The following CASD1 variants were observed in gnomAD, a reference collection of about 807,000 sequenced individuals.
CASD1 encodes CAS1 domain sialic acid O acetyltransferase 1.
CASD1 carries 41 observed loss-of-function variants against 100.0 expected under a neutral mutation model. That is an observed-to-expected ratio of 0.41 (90% CI 0.32 to 0.53). CASD1 has a LOEUF of 0.53. Ranked by LOEUF, CASD1 falls within the 20% of genes least tolerant of loss-of-function variation. The pLI is 0.25. For missense variants in CASD1, 774 were observed against 948.7 expected (o/e 0.82, Z 2.42); for synonymous variants, 321 against 315.6 (o/e 1.02, Z -0.18).
chr7:94,533,702 T>C lies in CASD1; in HGVS notation c.528T>C (p.Gly176=). The C allele has an allele frequency of 6.2e-7, 1 of 1,602,550 alleles. No homozygotes were observed. Among genetic ancestry groups the C allele is most frequent in the Non-Finnish European group, 8.5e-7 (1 of 1,174,888 alleles). Residue 176 remains glycine (G), a synonymous_variant, in exon 7 of 18, where the codon GGT becomes GGC. Coordinates refer to ENST00000297273, the MANE Select transcript of CASD1 (RefSeq NM_022900.5). The part of the protein sequence containing the change: ...AATWSIKIHN[G]SSEALSQYKM... ...AGTGGTCCATCAAGATTCACAATGG[T>C]AGCAGTGAAGCGCTTTCTCAATATA... is the stretch of plus-strand genomic sequence containing the variant.
At chr7:94,618,959 A>G in the CASD1 span, 2 of 1,607,232 alleles carry the variant, frequency 1.2e-6, no homozygotes. Flanking sequence ...CGGGAAGTCT[A>G]ATTTTGGTGA....
At chr7:94,597,105 G>A in the CASD1 span, 1 of 152,056 alleles carries the variant, frequency 6.6e-6, no homozygotes. Flanking sequence ...GACCACCAGA[G>A]AGCATAGAAA....
the CASD1 span, among the ~76,000 whole-genome samples, chr7:94,632,582 T>G: frequency 6.6e-6 from 1 of 152,138 alleles, no homozygotes; most frequent in East Asian, 1.9e-4. Flanking sequence ...TACAGATGTA[T>G]GACACATTCA....
At chr7:94,537,921 T>G in intron 9 of CASD1, 27 bp downstream of exon 9, 1 of 1,256,942 alleles carries the variant, frequency 8.0e-7, no homozygotes, top group Non-Finnish European at 1.1e-6. Context: ...TTTTAACTCA[T>G]GTTACCCTTC....
intron 3 of CASD1, among the ~76,000 whole-genome samples, chr7:94,519,570 G>T (rs954292490): frequency 1.3e-5 from 2 of 152,026 alleles, no homozygotes; most frequent in East Asian, 3.8e-4. Flanking sequence ...TTTTCCATTT[G>T]CATTTATACA....
At chr7:94,510,598 G>A (rs1355229599) in intron 1 of CASD1, among the ~76,000 whole-genome samples, 1 of 152,216 alleles carries the variant, frequency 6.6e-6, no homozygotes, top group Non-Finnish European at 1.5e-5. Flanking sequence ...GGGGCAGCCC[G>A]GGGCGCATGA....
the CASD1 span, chr7:94,587,246 A>G: frequency 1.0e-6 from 1 of 985,888 alleles, no homozygotes; most frequent in Admixed American, 6.1e-5. Context: ...TACTTGCTAA[A>G]AAATCTATGT....
the CASD1 span, among the ~76,000 whole-genome samples, chr7:94,615,805 G>T: frequency 1.3e-5 from 2 of 152,186 alleles, no homozygotes; most frequent in African/African-American, 4.8e-5. Context: ...GTGGTTGGCA[G>T]CCATGACATG....
chr7:94,535,518 G>A lies in CASD1; in HGVS notation c.838G>A (p.Glu280Lys). Residue 280 changes from glutamate (E) to lysine (K), a missense_variant, in exon 8 of 18, where the codon GAA becomes AAA. Coordinates refer to ENST00000297273, the MANE Select transcript of CASD1 (RefSeq NM_022900.5). ...DGLHLPESSRETTAMILMNVY... is the reference protein window; with the variant it reads ...DGLHLPESSRKTTAMILMNVY... The stretch of plus-strand genomic sequence containing the variant: ...CTTACATCTTCCTGAATCGAGCAGA[G>A]AAACTGTGAGAAATTTTTACATATG... 6.2e-7 allele frequency: 1 copy of A among 1,611,280 alleles called. No individual in the cohort carries two copies. The highest frequency in any genetic ancestry group is 2.2e-5 in the East Asian group (1 of 44,760).
At chr7:94,563,237 C>T in the CASD1 span, among the ~76,000 whole-genome samples, 1 of 152,156 alleles carries the variant, frequency 6.6e-6, no homozygotes, top group Non-Finnish European at 1.5e-5. Context: ...TACTACCTCC[C>T]TCCTTACCCC....
the CASD1 span, chr7:94,619,537 T>C: frequency 6.6e-6 from 1 of 152,306 alleles, no homozygotes; most frequent in Non-Finnish European, 1.5e-5. Context: ...AATTCAGCCT[T>C]TCAATATGAG....
chr7:94,587,780 C>T, the CASD1 span: 1 of 1,547,580 alleles, frequency 6.5e-7, no homozygotes, highest in South Asian at 1.2e-5. Flanking sequence ...ATACTTGCCT[C>T]AAATCTTTGA....
the CASD1 span, among the ~76,000 whole-genome samples, chr7:94,565,516 A>G: frequency 1.3e-5 from 2 of 152,152 alleles, no homozygotes; most frequent in African/African-American, 2.4e-5. Context: ...CAAGTGAGCA[A>G]TAACCCACTG....
the CASD1 span, among the ~76,000 whole-genome samples, chr7:94,601,803 G>T: frequency 6.6e-6 from 1 of 152,086 alleles, no homozygotes; most frequent in African/African-American, 2.4e-5. Flanking sequence ...CCTGCACATT[G>T]GCGGCTTGTT....
intron 5 of CASD1, among the ~76,000 whole-genome samples, chr7:94,529,183 A>G (rs1369650864): frequency 1.3e-5 from 2 of 152,162 alleles, no homozygotes; most frequent in Non-Finnish European, 2.9e-5. Flanking sequence ...GAAGTGTAGA[A>G]TAATGTTCCA....
chr7:94,513,287 C>CAA (rs766687618), intron 1 of CASD1, among the ~76,000 whole-genome samples: 77 of 63,820 alleles, frequency 1.2e-3, no homozygotes, highest in African/African-American at 2.9e-3. Context: ...GATCGCATCC[C>CAA]AAAAAAAAAA....
At chr7:94,622,581 A>T in the CASD1 span, 3 of 151,344 alleles carry the variant, frequency 2.0e-5, no homozygotes, top group Non-Finnish European at 4.4e-5. Flanking sequence ...GTTAGCCGAG[A>T]TGGTGCCATT....
chr7:94,569,748 G>A, the CASD1 span, among the ~76,000 whole-genome samples: 1 of 151,212 alleles, frequency 6.6e-6, no homozygotes, highest in African/African-American at 2.4e-5. Flanking sequence ...CAGGCATGAA[G>A]TGTGTCTCTT....
intron 3 of CASD1, 55 bp downstream of exon 3, chr7:94,518,378 AG>A (rs1470652822): frequency 1.4e-6 from 2 of 1,433,420 alleles, no homozygotes; most frequent in Non-Finnish European, 1.9e-6. Context: ...CCAACTGAAT[AG>A]TTACAGGAGG....
Sources: allele counts gnomAD v4.1 joint callset (sites outside exome capture counted in the v4.1 genomes callset), GRCh38; gene constraint gnomAD v4.1.1; transcripts MANE v1.5; gene names NCBI Gene and HGNC (gene_info 2026-07-23, HGNC 2026-07-21).